BCAR3: variants seen among roughly 807,000 people sequenced by gnomAD.
BCAR3 encodes BCAR3 adaptor protein, NSP family member.
Under a neutral mutation model 80.1 loss-of-function variants are expected in BCAR3, and 37 were observed. The observed-to-expected ratio is 0.46, with a 90% CI of 0.36 to 0.61. The LOEUF is 0.61. Among genes scored for constraint, BCAR3 ranks in the 20% least tolerant of loss-of-function variants. The pLI, the probability that BCAR3 is intolerant of heterozygous loss-of-function variation, is 0.00. For missense variants in BCAR3, 978 were observed against 1,068.2 expected, an observed-to-expected ratio of 0.92 and a Z score of 1.18; for synonymous variants, 389 against 418.9, an observed-to-expected ratio of 0.93 and a Z score of 0.87.
intron 2 of BCAR3, chr1:93,845,502 A>ATATATATATATCTATATCTCATGTTGTC: frequency 8.8e-6 from 1 of 113,826 alleles, no homozygotes; most frequent in Admixed American, 9.5e-5. Flanking sequence ...ATATATATAT[A>ATATATATATATCTATATCTCATGTTGTC]AAACTTTGTT....
At chr1:93,846,379 C>T (rs1655180105) in intron 1 of BCAR3, among the ~76,000 whole-genome samples, 1 of 152,202 alleles carries the variant, frequency 6.6e-6, no homozygotes, top group South Asian at 2.1e-4. Flanking sequence ...GTAGGCGGGG[C>T]CGGGACTGCT....
At chr1:93,845,209 G>C (rs1024091468) in intron 2 of BCAR3, among the ~76,000 whole-genome samples, 42 of 151,762 alleles carry the variant, frequency 2.8e-4, no homozygotes, top group African/African-American at 1.0e-3. Context: ...ACCCCAGGCA[G>C]AATTCCTCTG....
At chr1:93,829,973 G>C (rs1654499658) in intron 2 of BCAR3, among the ~76,000 whole-genome samples, 1 of 152,102 alleles carries the variant, frequency 6.6e-6, no homozygotes. Flanking sequence ...AGATCTGGTT[G>C]TTTAAAAATG....
intron 2 of BCAR3, among the ~76,000 whole-genome samples, chr1:93,790,666 ATTATAC>A (rs1653118931): frequency 2.8e-5 from 2 of 70,352 alleles, no homozygotes; most frequent in Non-Finnish European, 2.6e-5. Flanking sequence ...TTTTTTTTTA[ATTATAC>A]TTTAAGTTTT....
chr1:93,713,089 G>A (rs1474618894), intron 2 of BCAR3, among the ~76,000 whole-genome samples: 2 of 152,288 alleles, frequency 1.3e-5, no homozygotes, highest in African/African-American at 4.8e-5. Context: ...AGACATATGT[G>A]GCTTTTGTGC....
At chr1:93,768,861 C>T (rs150198658) in intron 2 of BCAR3, among the ~76,000 whole-genome samples, 1 of 152,146 alleles carries the variant, frequency 6.6e-6, no homozygotes, top group Non-Finnish European at 1.5e-5. Context: ...CTCTTCTGGT[C>T]CCCAGCAAGC....
intron 2 of BCAR3, among the ~76,000 whole-genome samples, chr1:93,665,711 C>G (rs1647875837): frequency 1.3e-5 from 2 of 152,190 alleles, no homozygotes; most frequent in South Asian, 4.1e-4. Flanking sequence ...CTGTTTAACA[C>G]CTCCACTTAG....
chr1:93,577,261 G>C (rs1002469147), intron 7 of BCAR3, among the ~76,000 whole-genome samples: 1 of 100,920 alleles, frequency 9.9e-6, no homozygotes, highest in Non-Finnish European at 2.7e-5. Flanking sequence ...TGAACACACG[G>C]CAGGCATGGG....
upstream of BCAR3, chr1:93,847,894 AGAG>A (rs1655288775): frequency 4.1e-6 from 1 of 244,616 alleles, no homozygotes; most frequent in African/African-American, 2.4e-5. Flanking sequence ...GGTCCTGAGA[AGAG>A]CGGCGGCGGC....
chr1:93,683,388 C>T (rs1378400561), upstream of BCAR3, among the ~76,000 whole-genome samples: 1 of 152,188 alleles, frequency 6.6e-6, no homozygotes, highest in East Asian at 1.9e-4. Context: ...TAAAAACCTG[C>T]TTGGCATTAT....
At chr1:93,585,827 C>A (rs568318084) in intron 5 of BCAR3, among the ~76,000 whole-genome samples, 3 of 152,282 alleles carry the variant, frequency 2.0e-5, no homozygotes, top group African/African-American at 7.2e-5. Flanking sequence ...CAGCTTCAAC[C>A]TCCCAGGCTC....
intron 2 of BCAR3, among the ~76,000 whole-genome samples, chr1:93,836,636 C>T (rs1389326999): frequency 2.0e-5 from 3 of 152,176 alleles, no homozygotes; most frequent in Admixed American, 1.3e-4. Flanking sequence ...CAACACTTTA[C>T]CACTATTTCA....
At chr1:93,695,119 A>G (rs1428002054) in intron 3 of BCAR3, among the ~76,000 whole-genome samples, 1 of 152,206 alleles carries the variant, frequency 6.6e-6, no homozygotes, top group Non-Finnish European at 1.5e-5. Flanking sequence ...ATTCTGGTCT[A>G]TCAGGCCCCT....
rs188580560 is a variant in BCAR3 at position 93,615,392 on chromosome 1, G to A, written c.358-22999C>T. On this transcript the variant is annotated intron_variant, in intron 3 of 11. Transcript: ENST00000260502. ...AGGGCAAGGGCCCGGCCTCATCAAC[G>A]TGTCAACATGGGGATGGAGCTGCTA... Among the ~76,000 whole-genome samples, 369 of 152,296 alleles carry A rather than the reference G, an allele frequency of 2.4e-3. 2 individuals carry two copies. The highest frequency in any genetic ancestry group is 8.3e-3 in the African/African-American group (346 of 41,552).
At position 93,753,546 on chromosome 1, in the gene BCAR3, ACAC is replaced by A. The variant is rs1651638249; in HGVS notation, c.-62-47407_-62-47405del. On this transcript the variant is annotated intron_variant, in intron 2 of 13. Transcript: ENST00000370244. ...CATGCGCGCATATGCACGCGGGTACACACACACACACACACACACACACACACA... is the reference window on the plus strand; with the variant it reads ...CATGCGCGCATATGCACGCGGGTACAACACACACACACACACACACACACA... 5 of 234 alleles carry A rather than the reference ACAC, an allele frequency of 0.021. No individual in the cohort carries two copies. The South Asian group carries it at 0.31, about 15-fold the overall frequency. The allele number at this position is 234 out of a possible 1,614,324, so 0.0% of individuals were successfully genotyped here. A position where few individuals can be genotyped will look rare whatever the true frequency, so the allele number is the denominator to read the frequency against.
At position 93,592,171 on chromosome 1, in the gene BCAR3, C is replaced by T; in HGVS notation, c.486+94G>A. 6.5e-7 allele frequency: 1 copy of T among 1,549,540 alleles called. No individual in the cohort carries two copies. The highest frequency in any genetic ancestry group is 8.7e-7 in the Non-Finnish European group (1 of 1,146,258). On this transcript the variant is annotated intron_variant, in intron 4 of 11. Transcript: ENST00000260502. This position sits in a 1 kb window ranked among gnomAD's most constrained non-coding sequence, Gnocchi z 4.8. ...GTTTTTGGTTACACAGGTGCTTCCG[C>T]CCATGTGGCCTCGGAGTGGGACCCT...
At chr1:93,629,594 C>T (rs1006744209) in intron 3 of BCAR3, among the ~76,000 whole-genome samples, 22 of 152,174 alleles carry the variant, frequency 1.4e-4, no homozygotes, top group African/African-American at 4.8e-4. Context: ...ATATTAAAAG[C>T]TCTTAGAATA....
upstream of BCAR3, among the ~76,000 whole-genome samples, chr1:93,682,492 GCT>G (rs1446352891): frequency 6.6e-6 from 1 of 152,154 alleles, no homozygotes; most frequent in African/African-American, 2.4e-5. Context: ...GGTCAGATTA[GCT>G]CTCTCTTTCC....
chr1:93,565,553 CTGTAGAGCAGCT>C (rs1334445232), intron 11 of BCAR3, among the ~76,000 whole-genome samples: 2 of 152,174 alleles, frequency 1.3e-5, no homozygotes, highest in African/African-American at 4.8e-5. Flanking sequence ...TGATTTAAAG[CTGTAGAGCAGCT>C]TATGGCACAC....
Sources: gnomAD v4.1 joint callset for allele counts (sites outside exome capture counted in the v4.1 genomes callset) on GRCh38, gnomAD v4.1.1 for gene constraint, Gnocchi (gnomAD v3.1) non-coding constraint, MANE v1.5 for transcripts, NCBI Gene and HGNC (gene_info 2026-07-23, HGNC 2026-07-21) for gene names.